MGP: variants seen among roughly 807,000 people sequenced by gnomAD.
MGP encodes cell growth-inhibiting gene 36 protein.
MGP carries 13 observed loss-of-function variants against 14.5 expected under a neutral mutation model. That is an observed-to-expected ratio of 0.89 (90% confidence interval 0.58 to 1.42). The LOEUF (loss-of-function observed/expected upper bound fraction) is 1.42, where lower values mean the gene tolerates loss of function less well. MGP is among the 40% of genes most tolerant of loss of function. MGP has a pLI of 0.00. For synonymous variants in MGP, 44 were observed against 46.3 expected (o/e 0.95, Z 0.20); for missense variants, 128 against 133.7 (o/e 0.96, Z 0.21).
chr12:14,882,992 C>A lies in MGP; in HGVS notation c.150G>T (p.Trp50Cys). Reference sequence around the variant, plus strand: ...CTGACCTCTCTTGGACTTTAGCTCTCCATCTCTGCTGAGGGGATATGAAGG... The same window carrying A: ...CTGACCTCTCTTGGACTTTAGCTCTACATCTCTGCTGAGGGGATATGAAGG... ...ANTFISPQQRWRAKVQERIRE... is the reference protein window; with the variant it reads ...ANTFISPQQRCRAKVQERIRE... Residue 50 changes from tryptophan to cysteine, a missense_variant, in exon 3 of 4, where the codon TGG (tryptophan) becomes TGT (cysteine). Coordinates refer to ENST00000539261, the MANE Select transcript of MGP (RefSeq NM_000900.5). 6.2e-7 allele frequency: 1 copy of A among 1,612,594 alleles called. No individual in the cohort carries two copies. Among genetic ancestry groups the A allele is most frequent in the Non-Finnish European group, 8.5e-7 (1 of 1,178,726 alleles).
rs965353944 is a variant in MGP, at chr12:14,882,090, T to A, written c.*49A>T. The A allele has an allele frequency of 6.2e-7, 1 of 1,607,744 alleles. No individual in the cohort carries two copies. The highest frequency in any genetic ancestry group is 8.5e-7 in the Non-Finnish European group (1 of 1,174,554). On this transcript the variant is annotated 3_prime_UTR_variant, in exon 4 of 4. Transcript: ENST00000539261. ...AATGCTGCTACAGGGGGATACAAAA[T>A]CAGGTGCCAGCCTCCAGAAAAAAAG...
intron 2 of MGP, chr12:14,883,266 A>G: frequency 2.0e-6 from 1 of 508,334 alleles, no homozygotes; most frequent in Non-Finnish European, 3.6e-6. Context: ...GACTTGTCAT[A>G]TAGGCTTTGT....
In MGP at chr12:14,881,993, G is replaced by T; in HGVS notation, c.*146C>A. 9.7e-7 allele frequency: 1 copy of T among 1,031,858 alleles called. No homozygotes were observed. Among genetic ancestry groups the T allele is most frequent in the Non-Finnish European group, 1.5e-6 (1 of 682,816 alleles). The allele number at this position is 1,031,858 out of a possible 1,614,324, so 63.9% of individuals were successfully genotyped here. ...TTCATTACTTATCAATCTGGGGGCG[G>T]GAAAAAGGGGTGCAGCCAGACAAGA... On this transcript the variant is annotated 3_prime_UTR_variant, in exon 4 of 4. Coordinates refer to ENST00000539261, the MANE Select transcript of MGP (RefSeq NM_000900.5).
rs1399031685 is a variant in MGP at position 14,880,985 on chromosome 12, G to A, written c.*1154C>T. 3.9e-5 allele frequency among the ~76,000 whole-genome samples: 6 copies of A among 152,226 alleles called. No individual in the cohort carries two copies. The South Asian group carries it at 6.2e-4, about 16-fold the overall frequency. ...ATACCTTAAAATAATTAAAAGAAAC[G>A]TGGCAACTTGGGATTCAATATACAG... On this transcript the variant is annotated 3_prime_UTR_variant, in exon 4 of 4. Transcript: ENST00000539261.
In MGP at chr12:14,882,172, A is replaced by T. The variant is rs771069410; in HGVS notation, c.279T>A (p.Asn93Lys). 1 of 1,614,018 alleles carries T rather than the reference A, an allele frequency of 6.2e-7. No individual in the cohort carries two copies. The highest frequency in any genetic ancestry group is 8.5e-7 in the Non-Finnish European group (1 of 1,179,964). Reference sequence around the variant, plus strand: ...TCCCTCGGCGCTTCCTGAAGTAGCGATTATAGGCAGCATTGTATCCATAAA... The same window carrying T: ...TCCCTCGGCGCTTCCTGAAGTAGCGTTTATAGGCAGCATTGTATCCATAAA... ...AMVYGYNAAYNRYFRKRRGTK is the reference protein window; with the variant it reads ...AMVYGYNAAYKRYFRKRRGTK The change falls in exon 4 of 4, where the codon AAT becomes AAA. Residue 93 changes from asparagine to lysine, a missense_variant. Transcript: ENST00000539261.
rs752884981 is a variant in MGP, at chr12:14,882,107, G to GA, written c.*31dup. 2 of 1,613,436 alleles carry GA rather than the reference G, an allele frequency of 1.2e-6. No individual in the cohort carries two copies. Among genetic ancestry groups the GA allele is most frequent in the Admixed American group, 1.7e-5 (1 of 60,000 alleles). On this transcript the variant is annotated 3_prime_UTR_variant, in exon 4 of 4. Transcript: ENST00000539261. ...ATACAAAATCAGGTGCCAGCCTCCA[G>GA]AAAAAAAGAGATTTTTTTTCTTCCC...
rs1191773234 is a variant in MGP, at chr12:14,884,211, A to G, written c.94+2T>C. 2.7e-5 allele frequency: 40 copies of G among 1,464,978 alleles called. No homozygotes were observed. The highest frequency in any genetic ancestry group is 3.2e-5 in the Non-Finnish European group (34 of 1,059,880). 90.7% of individuals were successfully genotyped at this position (1,464,978 alleles called of 1,614,324 possible). ...GAATAAAGAAGTTAAATATTCACTTACTAAGTTCATAAGATTCCATGCTTT... is the reference window on the plus strand; with the variant it reads ...GAATAAAGAAGTTAAATATTCACTTGCTAAGTTCATAAGATTCCATGCTTT... On this transcript the variant is annotated splice_donor_variant, in intron 2 of 3. Coordinates refer to ENST00000539261, the MANE Select transcript of MGP (RefSeq NM_000900.5). LOFTEE classifies it high-confidence loss of function.
In MGP at chr12:14,882,259, A is replaced by T; in HGVS notation, c.192T>A (p.Pro64=). The part of the protein sequence containing the change: ...VQERIRERSK[P]VHELNREACD... ...AGGCTTCCCTATTGAGCTCGTGGAC[A>T]GGCTTAGAGCGTTCTCGGATCCTAG... The change falls in exon 4 of 4, where the codon CCT becomes CCA. Residue 64 remains proline, a synonymous_variant. Transcript: ENST00000539261. The T allele has an allele frequency of 6.2e-7, 1 of 1,614,134 alleles. No individual in the cohort carries two copies. Among genetic ancestry groups the T allele is most frequent in the Non-Finnish European group, 8.5e-7 (1 of 1,179,990 alleles).
Position 14,882,957 on chromosome 12 carries a change from A to G in MGP, c.170+15T>C. 1.3e-6 allele frequency: 2 copies of G among 1,587,006 alleles called. No homozygotes were observed. The highest frequency in any genetic ancestry group is 1.1e-5 in the South Asian group (1 of 90,476). On this transcript the variant is annotated intron_variant, in intron 3 of 3. Transcript: ENST00000539261. ...TGGGAAAAATGACCACTCCTCATGA[A>G]GTTTTGTTACTGACCTCTCTTGGAC...
chr12:14,883,957 T>C, intron 2 of MGP: 1 of 341,348 alleles, frequency 2.9e-6, no homozygotes, highest in East Asian at 5.6e-5. Context: ...GGTGCCAATT[T>C]AAAATTTCCA....
chr12:14,884,685 A>G (rs1219816951), intron 1 of MGP: 7 of 675,420 alleles, frequency 1.0e-5, no homozygotes, highest in Non-Finnish European at 1.7e-5. Context: ...TCTCCAGGCA[A>G]GAGAACTACA....
chr12:14,882,427 G>C, intron 3 of MGP, 147 bp from the exon 4 acceptor site: 1 of 1,030,444 alleles, frequency 9.7e-7, no homozygotes, highest in Non-Finnish European at 1.5e-6. Context: ...GGCTGGGTGC[G>C]GTGGCTCAGG....
At position 14,882,295 on chromosome 12, in the gene MGP, A is replaced by T. The variant is rs200132144; in HGVS notation, c.171-15T>A. The stretch of plus-strand genomic sequence containing the variant: ...GTTCTCGGATCCTAGAAAGTGGAAG[A>T]AGAGGCCAAAATTGAGAAGGATAAA... On this transcript the variant is annotated splice_polypyrimidine_tract_variant and intron_variant, in intron 3 of 3. Transcript: ENST00000539261. The T allele has an allele frequency of 6.2e-7, 1 of 1,614,072 alleles. No homozygotes were observed. Among genetic ancestry groups the T allele is most frequent in the African/African-American group, 1.3e-5 (1 of 75,046 alleles).
intron 1 of MGP, 85 bp downstream of exon 1, chr12:14,885,646 G>A: frequency 1.1e-6 from 1 of 941,384 alleles, no homozygotes; most frequent in Non-Finnish European, 1.7e-6. Context: ...GGGGGAAGAA[G>A]AGGAGGAGGG....
chr12:14,885,623 T>A, intron 1 of MGP, 108 bp downstream of exon 1: 1 of 817,000 alleles, frequency 1.2e-6, no homozygotes, highest in South Asian at 1.4e-5. Context: ...ACTTTAAGAT[T>A]ATAACAGAGA....
chr12:14,882,165 A>C lies in MGP; in HGVS notation c.286T>G (p.Phe96Val), dbSNP rs1863383248. 1 of 1,613,988 alleles carries C rather than the reference A, an allele frequency of 6.2e-7. No homozygotes were observed. Among genetic ancestry groups the C allele is most frequent in the South Asian group, 1.1e-5 (1 of 91,078 alleles). The change falls in exon 4 of 4, where the codon TTC becomes GTC. Residue 96 changes from phenylalanine (F) to valine (V), a missense_variant. Phe to Val is a conservative substitution (Grantham distance 50, BLOSUM62 -1). Coordinates refer to ENST00000539261, the MANE Select transcript of MGP (RefSeq NM_000900.5). Reference protein sequence around the residue: ...YGYNAAYNRYFRKRRGTK With the variant: ...YGYNAAYNRYVRKRRGTK ...CATTTGGTCCCTCGGCGCTTCCTGA[A>C]GTAGCGATTATAGGCAGCATTGTAT...
In MGP at chr12:14,881,516, A is replaced by G. The variant is rs1345680636; in HGVS notation, c.*623T>C. 6.5e-6 allele frequency: 1 copy of G among 153,428 alleles called. No individual in the cohort carries two copies. Among genetic ancestry groups the G allele is most frequent in the African/African-American group, 2.4e-5 (1 of 41,428 alleles). 9.5% of individuals were successfully genotyped at this position (153,428 alleles called of 1,614,324 possible). ...AAACTATTATTGACAGTTTTTGCCA[A>G]TTGCTTTTATTTGTCCCTTCTGCTT... is the stretch of plus-strand genomic sequence containing the variant. On this transcript the variant is annotated 3_prime_UTR_variant, in exon 4 of 4. Transcript: ENST00000539261.
intron 2 of MGP, 189 bp from the exon 3 acceptor site, chr12:14,883,236 A>G (rs1271380343): frequency 1.7e-6 from 1 of 584,834 alleles, no homozygotes; most frequent in Non-Finnish European, 3.1e-6. Context: ...GAAATCAGTA[A>G]TCAATCCATG....
intron 1 of MGP, 73 bp downstream of exon 1, chr12:14,885,658 G>T: frequency 1.8e-6 from 2 of 1,100,364 alleles, no homozygotes; most frequent in South Asian, 1.3e-5. Flanking sequence ...GGAGGAGGGA[G>T]AGGAAAAATA....
Sources: gnomAD v4.1 joint callset for allele counts (sites outside exome capture counted in the v4.1 genomes callset) on GRCh38, gnomAD v4.1.1 for gene constraint, MANE v1.5 for transcripts, NCBI Gene and HGNC (gene_info 2026-07-23, HGNC 2026-07-21) for gene names.